NPSR1: variants seen among roughly 807,000 people sequenced by gnomAD.
The protein encoded by NPSR1 is neuropeptide S receptor 1.
A neutral mutation model predicts 46.9 loss-of-function variants in NPSR1; 48 were observed. The observed-to-expected ratio is 1.02, with a 90% CI of 0.81 to 1.30. The LOEUF (loss-of-function observed/expected upper bound fraction) is 1.30, where lower values mean the gene tolerates loss of function less well. NPSR1 is among the 50% of genes most tolerant of loss of function. The pLI is 0.00. For synonymous variants in NPSR1, 176 were observed against 168.1 expected (o/e 1.05, Z -0.36); for missense variants, 450 against 449.5 (o/e 1.00, Z -0.01).
At chr7:34,831,348 C>T (rs1456653648) in intron 5 of NPSR1, among the ~76,000 whole-genome samples, 7 of 151,392 alleles carry the variant, frequency 4.6e-5, no homozygotes, top group African/African-American at 1.7e-4. Flanking sequence ...CACAAACACA[C>T]GTGTACACAT....
chr7:34,694,776 C>T (rs1397967651), intron 2 of NPSR1, among the ~76,000 whole-genome samples: 1 of 152,208 alleles, frequency 6.6e-6, no homozygotes, highest in Non-Finnish European at 1.5e-5. Context: ...TTGGCACGAT[C>T]TTGGCTCACT....
chr7:34,845,053 G>C (rs529062731), intron 7 of NPSR1, 71 bp downstream of exon 7: 3 of 1,018,802 alleles, frequency 2.9e-6, no homozygotes, highest in East Asian at 4.7e-5. Flanking sequence ...CCTGGGACCT[G>C]GTGACAGAAA....
chr7:34,739,865 A>G (rs1441258807), intron 2 of NPSR1, among the ~76,000 whole-genome samples: 1 of 152,086 alleles, frequency 6.6e-6, no homozygotes, highest in Non-Finnish European at 1.5e-5. Context: ...TTAATGCATT[A>G]TTTTTGTGCT....
At chr7:34,725,386 C>T (rs1452279735) in intron 2 of NPSR1, among the ~76,000 whole-genome samples, 6 of 152,188 alleles carry the variant, frequency 3.9e-5, no homozygotes, top group East Asian at 3.8e-4. Context: ...GATAAGATCA[C>T]GCTATCTTGA....
In NPSR1 at chr7:34,772,011, C is replaced by T. The variant is rs111560717; in HGVS notation, c.281-6451C>T. ...GATGTCACCATTGGGGGATGCTTTG[C>T]GGTAGGCACATGAAACCTTTCTGTA... On this transcript the variant is annotated intron_variant, in intron 2 of 8. Coordinates refer to ENST00000360581, the MANE Select transcript of NPSR1 (RefSeq NM_207172.2). Among the ~76,000 whole-genome samples the T allele has an allele frequency of 5.3e-5, 8 of 152,270 alleles. 1 individual carries two copies. In the South Asian group the frequency reaches 8.3e-4, roughly 16 times the overall value.
At chr7:34,788,636 C>T (rs142253474) in intron 3 of NPSR1, among the ~76,000 whole-genome samples, 2 of 151,924 alleles carry the variant, frequency 1.3e-5, no homozygotes, top group Non-Finnish European at 2.9e-5. Flanking sequence ...TATATATGGA[C>T]CCTACACTGG....
Position 34,748,307 on chromosome 7 carries a change from G to A in NPSR1, c.281-30155G>A, listed in dbSNP as rs546356724. On this transcript the variant is annotated intron_variant, in intron 2 of 8. Transcript: ENST00000360581. ...CCTCTGTGAAGCTGCTATTCTTCAT[G>A]CCAGCGTCTGGCGGCAAGGGAGGAC... 3.9e-5 allele frequency among the ~76,000 whole-genome samples: 6 copies of A among 152,318 alleles called. 1 individual carries two copies. The highest frequency in any genetic ancestry group is 2.6e-4 in the Admixed American group (4 of 15,302).
chr7:34,786,423 T>C (rs1212997723), intron 3 of NPSR1, among the ~76,000 whole-genome samples: 7 of 152,162 alleles, frequency 4.6e-5, no homozygotes, highest in Non-Finnish European at 1.0e-4. Flanking sequence ...TCCAGTGAAA[T>C]CTTGAACCCA....
intron 3 of NPSR1, among the ~76,000 whole-genome samples, chr7:34,782,259 T>G (rs1787262186): frequency 6.6e-6 from 1 of 152,152 alleles, no homozygotes; most frequent in Admixed American, 6.6e-5. Context: ...CAGACCTCAG[T>G]TTCATGGCTA....
At chr7:34,871,098 C>G (rs949041954) in intron 8 of NPSR1, among the ~76,000 whole-genome samples, 4 of 151,786 alleles carry the variant, frequency 2.6e-5, no homozygotes, top group East Asian at 1.9e-4. Flanking sequence ...ACAGATAAAA[C>G]AGATTTAATT....
intron 8 of NPSR1, among the ~76,000 whole-genome samples, chr7:34,856,544 T>A (rs144828261): frequency 1.3e-5 from 2 of 151,774 alleles, no homozygotes; most frequent in East Asian, 3.9e-4. Context: ...TAGAGCCTTC[T>A]TCTTAGGGGA....
chr7:34,852,230 G>T (rs1790950458), downstream of NPSR1, among the ~76,000 whole-genome samples: 1 of 152,136 alleles, frequency 6.6e-6, no homozygotes, highest in African/African-American at 2.4e-5. Context: ...AACCTGGGAG[G>T]CGGAGCTTGC....
At chr7:34,750,069 A>G (rs1210748850) in intron 2 of NPSR1, among the ~76,000 whole-genome samples, 6 of 152,068 alleles carry the variant, frequency 3.9e-5, no homozygotes, top group East Asian at 1.9e-4. Flanking sequence ...AAGCAGCTCA[A>G]TGCAGTTCAG....
intron 3 of NPSR1, among the ~76,000 whole-genome samples, chr7:34,791,025 A>C (rs1787798837): frequency 9.8e-6 from 1 of 101,686 alleles, no homozygotes; most frequent in South Asian, 2.8e-4. Context: ...TATATATGTT[A>C]TATGTTATAT....
At chr7:34,740,344 C>G (rs1784880303) in intron 2 of NPSR1, among the ~76,000 whole-genome samples, 1 of 151,686 alleles carries the variant, frequency 6.6e-6, no homozygotes, top group Admixed American at 6.6e-5. Context: ...GCTGTGAAAG[C>G]AAGTAGAGCT....
chr7:34,857,401 G>T (rs368085875), intron 8 of NPSR1, among the ~76,000 whole-genome samples: 1 of 151,712 alleles, frequency 6.6e-6, no homozygotes, highest in African/African-American at 2.4e-5. Flanking sequence ...TGGTATGGGC[G>T]CTAAAGTAGA....
At chr7:34,844,777 C>A (rs1290090811) in intron 6 of NPSR1, 119 bp from the exon 7 acceptor site, 3 of 718,828 alleles carry the variant, frequency 4.2e-6, no homozygotes, top group Admixed American at 2.2e-5. Context: ...GCCATCTGGG[C>A]ATAAATGCAC....
At chr7:34,707,455 T>C (rs979315234) in intron 2 of NPSR1, among the ~76,000 whole-genome samples, 1 of 152,210 alleles carries the variant, frequency 6.6e-6, no homozygotes, top group Non-Finnish European at 1.5e-5. Context: ...ACTCCCATTC[T>C]CCTGTTGTTC....
intron 2 of NPSR1, among the ~76,000 whole-genome samples, chr7:34,766,282 T>A (rs928978954): frequency 6.6e-6 from 1 of 152,166 alleles, no homozygotes; most frequent in Non-Finnish European, 1.5e-5. Flanking sequence ...ATTGGAAAAC[T>A]GCTGGGCAGT....
Sources: gnomAD v4.1 joint callset for allele counts (sites outside exome capture counted in the v4.1 genomes callset) on GRCh38, gnomAD v4.1.1 for gene constraint, MANE v1.5 for transcripts, NCBI Gene and HGNC (gene_info 2026-07-23, HGNC 2026-07-21) for gene names.